Variants in HSPA9 observed in about 807,000 individuals in gnomAD.
HSPA9 encodes the protein stress-70 protein, mitochondrial.
Under a neutral mutation model 81.5 loss-of-function variants are expected in HSPA9, and 28 were observed. That is an observed-to-expected ratio of 0.34 (90% confidence interval 0.25 to 0.47). HSPA9 has a LOEUF of 0.47. Ranked by LOEUF, HSPA9 falls within the 20% of genes least tolerant of loss-of-function variation. The pLI is 1.00. For synonymous variants in HSPA9, 293 were observed against 290.4 expected (o/e 1.01, Z -0.09); for missense variants, 678 against 838.0 (o/e 0.81, Z 2.36).
At chr5:138,558,895 C>G in intron 11 of HSPA9, 1 of 459,942 alleles carries the variant, frequency 2.2e-6, no homozygotes, top group Non-Finnish European at 4.0e-6. Context: ...AGCATTAGGA[C>G]AGAAGTCCTC....
chr5:138,559,908 TG>T lies in HSPA9; in HGVS notation c.1365del (p.Lys456AsnfsTer50). On this transcript the variant is annotated frameshift_variant, in exon 11 of 17. Transcript: ENST00000297185. LOFTEE classifies it high-confidence loss of function. ...ATAGTGGTATTCCTATTAATAAGTT[TG>T]GTAAAGACACCTCCTAGAGTTTCAA... Reference protein sequence around the residue: ...LGIETLGGVFTKLINRNTTIP... With the variant: ...LGIETLGGVFXKLINRNTTIP... The T allele has an allele frequency of 6.2e-7, 1 of 1,614,052 alleles. No homozygotes were observed. The highest frequency in any genetic ancestry group is 8.5e-7 in the Non-Finnish European group (1 of 1,179,932).
intron 3 of HSPA9, 71 bp downstream of exon 3, chr5:138,573,692 C>T (rs1010135737): frequency 3.4e-6 from 2 of 585,332 alleles, no homozygotes; most frequent in African/African-American, 2.0e-5. Context: ...TCTCAAATTC[C>T]TTAACTAAGG....
intron 3 of HSPA9, among the ~76,000 whole-genome samples, 194 bp from the exon 4 acceptor site, chr5:138,571,335 C>G (rs935842281): frequency 1.4e-4 from 22 of 152,110 alleles, no homozygotes; most frequent in Admixed American, 1.4e-3. Context: ...CGTGCACCAC[C>G]ACACCAAGCT....
At chr5:138,559,460 G>A (rs1277597918) in intron 11 of HSPA9, among the ~76,000 whole-genome samples, 2 of 151,890 alleles carry the variant, frequency 1.3e-5, no homozygotes, top group Non-Finnish European at 2.9e-5. Context: ...TTGGTATCTC[G>A]GCACCCTCAT....
At chr5:138,562,259 G>A (rs1245859417) in intron 9 of HSPA9, among the ~76,000 whole-genome samples, 3 of 148,170 alleles carry the variant, frequency 2.0e-5, no homozygotes, top group Admixed American at 2.0e-4. Context: ...TCTTTAAGAT[G>A]CAATGTTTTG....
rs940914516 is a variant in HSPA9, at chr5:138,570,357, G to A, written c.410+603C>T. 8.5e-4 allele frequency among the ~76,000 whole-genome samples: 130 copies of A among 152,244 alleles called. 1 individual carries two copies. Among genetic ancestry groups the A allele is most frequent in the African/African-American group, 2.8e-3 (117 of 41,552 alleles). On this transcript the variant is annotated intron_variant, in intron 4 of 16. Transcript: ENST00000297185. ...AAAAATCAAGTCTTTTTCTGTACTG[G>A]ATCAACACATGATAGAACCTATGCC...
intron 4 of HSPA9, 122 bp downstream of exon 4, chr5:138,570,838 A>G (rs1008647309): frequency 3.3e-6 from 3 of 922,178 alleles, no homozygotes; most frequent in Non-Finnish European, 5.4e-6. Context: ...GATTTCCCCT[A>G]GGGACAATAA....
At chr5:138,568,710 G>GA (rs139664727) in intron 5 of HSPA9, among the ~76,000 whole-genome samples, 1,946 of 152,080 alleles carry the variant, frequency 0.013, 48 homozygotes, top group African/African-American at 0.045. Context: ...CCCCCTACTG[G>GA]AAAAAAAGAA....
chr5:138,560,118 C>T (rs1464846420), intron 10 of HSPA9, 27 bp from the exon 11 acceptor site: 16 of 1,572,742 alleles, frequency 1.0e-5, no homozygotes, highest in Admixed American at 6.8e-5. Context: ...AAGAACCTGT[C>T]GGCCCACACT....
chr5:138,575,388 G>A lies in HSPA9; in HGVS notation c.-70C>T, dbSNP rs779607484. On this transcript the variant is annotated 5_prime_UTR_variant, in exon 1 of 17. Coordinates refer to ENST00000297185, the MANE Select transcript of HSPA9 (RefSeq NM_004134.7). ...CGGCAAAGAGCTGCGCGATGCGGTG[G>A]CGGCAGCGCTTCTGGAAACCTCCAA... 2 of 1,352,880 alleles carry A rather than the reference G, an allele frequency of 1.5e-6. No homozygotes were observed. The highest frequency in any genetic ancestry group is 2.1e-6 in the Non-Finnish European group (2 of 952,982). 83.8% of individuals were successfully genotyped at this position (1,352,880 alleles called of 1,614,324 possible).
chr5:138,561,177 G>C (rs575426353), intron 10 of HSPA9: 3 of 423,920 alleles, frequency 7.1e-6, no homozygotes, highest in Non-Finnish European at 1.5e-5. Context: ...CCGGGGGCGG[G>C]GTATTACCAA....
intron 11 of HSPA9, chr5:138,558,974 C>A (rs753465344): frequency 3.1e-6 from 1 of 325,702 alleles, no homozygotes; most frequent in Admixed American, 4.1e-5. Flanking sequence ...ATGTATCATG[C>A]TCAGTCACAG....
intron 9 of HSPA9, among the ~76,000 whole-genome samples, chr5:138,564,029 A>C (rs1750710110): frequency 2.6e-5 from 4 of 152,134 alleles, no homozygotes; most frequent in Admixed American, 2.6e-4. Context: ...TGATAAACTC[A>C]TCTCTCAGAT....
intron 9 of HSPA9, among the ~76,000 whole-genome samples, chr5:138,563,116 TTTC>T (rs769746257): frequency 2.0e-5 from 3 of 152,216 alleles, no homozygotes; most frequent in Non-Finnish European, 2.9e-5. Flanking sequence ...TTATTGACAA[TTTC>T]TTTTTTGCAA....
chr5:138,553,846 T>TTTG lies in HSPA9; in HGVS notation c.*2190_*2191insCAA, dbSNP rs1561854966. On this transcript the variant is annotated 3_prime_UTR_variant, in exon 17 of 17. Coordinates refer to ENST00000297185, the MANE Select transcript of HSPA9 (RefSeq NM_004134.7). ...AACATTTGTCTCTCTCCAGAAGAGATTAGTATTGAATTGGAGATTGCTCTG... is the reference window on the plus strand; with the variant it reads ...AACATTTGTCTCTCTCCAGAAGAGATTTGTAGTATTGAATTGGAGATTGCTCTG... 1.1e-4 allele frequency among the ~76,000 whole-genome samples: 17 copies of TTTG among 152,298 alleles called. No individual in the cohort carries two copies. Among genetic ancestry groups the TTTG allele is most frequent in the African/African-American group, 4.1e-4 (17 of 41,568 alleles).
chr5:138,567,608 G>T, intron 6 of HSPA9, 41 bp downstream of exon 6: 1 of 1,606,820 alleles, frequency 6.2e-7, no homozygotes, highest in Non-Finnish European at 8.5e-7. Context: ...TCCATCCCAG[G>T]CACCTTACTT....
chr5:138,555,925 A>C lies in HSPA9; in HGVS notation c.*112T>G. ...TACAAATTAAGGAAATTATATATAG[A>C]ATACTGCAAAAACACAGTAAAAAGA... is the stretch of plus-strand genomic sequence containing the variant. On this transcript the variant is annotated 3_prime_UTR_variant, in exon 17 of 17. Coordinates refer to ENST00000297185, the MANE Select transcript of HSPA9 (RefSeq NM_004134.7). The C allele has an allele frequency of 1.1e-5, 8 of 761,236 alleles. No homozygotes were observed. Among genetic ancestry groups the C allele is most frequent in the Non-Finnish European group, 1.9e-5 (8 of 430,032 alleles). 47.2% of individuals were successfully genotyped at this position (761,236 alleles called of 1,614,324 possible).
rs767040496 is a variant in HSPA9, at chr5:138,557,388, CAAG to C, written c.1728+11_1728+13del. 2 of 1,553,526 alleles carry C rather than the reference CAAG, an allele frequency of 1.3e-6. No individual in the cohort carries two copies. The highest frequency in any genetic ancestry group is 2.2e-5 in the South Asian group (2 of 89,098). On this transcript the variant is annotated intron_variant, in intron 14 of 16. Transcript: ENST00000297185. ...TTTACTAAGATTAAAGTTCAGAAGA[CAAG>C]AAGTAATCACCTTCTTTCGCCGGTC...
chr5:138,567,320 T>A (rs1195048472), intron 7 of HSPA9, 135 bp downstream of exon 7: 10 of 942,332 alleles, frequency 1.1e-5, no homozygotes, highest in Non-Finnish European at 1.7e-5. Flanking sequence ...AAGAAAAGAA[T>A]GGTTTTGAAA....
Sources: gnomAD v4.1 joint callset for allele counts (sites outside exome capture counted in the v4.1 genomes callset) on GRCh38, gnomAD v4.1.1 for gene constraint, MANE v1.5 for transcripts, NCBI Gene and HGNC (gene_info 2026-07-23, HGNC 2026-07-21) for gene names.